The following TNR variants were observed in gnomAD, a reference collection of about 807,000 sequenced individuals.
TNR encodes the protein tenascin R.
A neutral mutation model predicts 150.4 loss-of-function variants in TNR; 45 were observed. The ratio of observed to expected loss-of-function variants is 0.30; its 90% CI spans 0.24 to 0.38. The LOEUF (loss-of-function observed/expected upper bound fraction) is 0.38, where lower values mean the gene tolerates loss of function less well. Among genes scored for constraint, TNR ranks in the 10% least tolerant of loss-of-function variants. The probability of loss-of-function intolerance (pLI) is 1.00; values close to 1 mark genes in which losing one functional copy is unlikely to be tolerated. For missense variants in TNR, 1,544 were observed against 1,759.1 expected, an observed-to-expected ratio of 0.88 and a Z score of 2.19; for synonymous variants, 687 against 678.4, an observed-to-expected ratio of 1.01 and a Z score of -0.20.
At chr1:175,635,133 C>T (rs1392669945) in intron 1 of TNR, among the ~76,000 whole-genome samples, 3 of 152,208 alleles carry the variant, frequency 2.0e-5, no homozygotes, top group Non-Finnish European at 4.4e-5. Context: ...CACCCAGAAG[C>T]TAAAGCCATG....
At position 175,707,603 on chromosome 1, in the gene TNR, C is replaced by T. The variant is rs77239457; in HGVS notation, c.-165+35623G>A. On this transcript the variant is annotated intron_variant, in intron 1 of 22. Transcript: ENST00000367674. ...TCATCCTCCACCAACCCCATTTTTTCACAGGCCTAAAAAAGACCAGGAAGT... is the reference window on the plus strand; with the variant it reads ...TCATCCTCCACCAACCCCATTTTTTTACAGGCCTAAAAAAGACCAGGAAGT... 8.8e-3 allele frequency among the ~76,000 whole-genome samples: 1,345 copies of T among 152,264 alleles called. 28 individuals are homozygous for T. The highest frequency in any genetic ancestry group is 0.031 in the African/African-American group (1,274 of 41,558).
At chr1:175,623,503 C>T (rs1162654579) in intron 1 of TNR, among the ~76,000 whole-genome samples, 3 of 152,170 alleles carry the variant, frequency 2.0e-5, no homozygotes. Context: ...TGCAGGTGAC[C>T]TGGTCCCTCC....
chr1:175,681,951 G>A (rs1571746973), intron 1 of TNR, among the ~76,000 whole-genome samples: 1 of 152,148 alleles, frequency 6.6e-6, no homozygotes, highest in Admixed American at 6.5e-5. Context: ...CCCAAGAAAG[G>A]AGCTGCGACT....
intron 1 of TNR, among the ~76,000 whole-genome samples, chr1:175,636,331 A>T (rs1664490905): frequency 6.6e-6 from 1 of 152,156 alleles, no homozygotes; most frequent in Non-Finnish European, 1.5e-5. Context: ...AGCACATTTA[A>T]GTTTCCCACA....
At position 175,337,598 on chromosome 1, in the gene TNR, A is replaced by T. The variant is rs1650309573; in HGVS notation, c.3464T>A (p.Phe1155Tyr). The change falls in exon 19 of 23, where the codon TTC (phenylalanine) becomes TAC (tyrosine). Residue 1155 changes from phenylalanine (F) to tyrosine (Y), a missense_variant. Around this residue, in one of 2 missense-constraint regions of TNR, gnomAD observed 290 missense variants for 429.7 expected, o/e 0.67. Coordinates refer to ENST00000367674, the MANE Select transcript of TNR (RefSeq NM_003285.3). ...GDTLSGVYPI[F>Y]LNGELSQKLQ... ...TTTCTGGCTCAGCTCCCCATTGAGG[A>T]AGATGGGGTAAACCCCACTCAAAGT... The T allele has an allele frequency of 6.2e-7, 1 of 1,614,130 alleles. No homozygotes were observed. The highest frequency in any genetic ancestry group is 1.1e-5 in the South Asian group (1 of 91,076).
chr1:175,667,061 CTT>C (rs1288585273), intron 1 of TNR, among the ~76,000 whole-genome samples: 2 of 152,202 alleles, frequency 1.3e-5, no homozygotes, highest in Non-Finnish European at 2.9e-5. Context: ...CCACTCCCCT[CTT>C]TTAATCATAC....
chr1:175,734,586 C>A (rs572401638), intron 1 of TNR, among the ~76,000 whole-genome samples: 2 of 152,360 alleles, frequency 1.3e-5, no homozygotes, highest in East Asian at 3.9e-4. Context: ...CCATCTGGAG[C>A]TCTGAGGAGC....
chr1:175,351,902 C>A (rs1309033736), intron 18 of TNR, among the ~76,000 whole-genome samples: 4 of 152,202 alleles, frequency 2.6e-5, no homozygotes, highest in African/African-American at 7.2e-5. Context: ...CCTTTCTGAG[C>A]TGGTATTGGT....
intron 2 of TNR, among the ~76,000 whole-genome samples, chr1:175,440,530 TAATAA>T (rs1372761531): frequency 6.9e-5 from 10 of 145,568 alleles, no homozygotes; most frequent in East Asian, 4.0e-4. Flanking sequence ...AGTATAATAA[TAATAA>T]AATAAAATAA....
chr1:175,695,259 C>T (rs1558077071), intron 1 of TNR, among the ~76,000 whole-genome samples: 1 of 152,216 alleles, frequency 6.6e-6, no homozygotes, highest in Non-Finnish European at 1.5e-5. Flanking sequence ...GGAGAGTCCA[C>T]ATGGTGAGGA....
At chr1:175,504,419 C>G (rs1484885381) in intron 2 of TNR, among the ~76,000 whole-genome samples, 1 of 152,146 alleles carries the variant, frequency 6.6e-6, no homozygotes, top group Non-Finnish European at 1.5e-5. Context: ...GAACATAGCT[C>G]ACTAGAATCG....
intron 1 of TNR, among the ~76,000 whole-genome samples, chr1:175,684,369 T>C (rs1027415383): frequency 6.6e-6 from 1 of 152,100 alleles, no homozygotes; most frequent in Non-Finnish European, 1.5e-5. Flanking sequence ...GAAAATTGAG[T>C]GAGGAATGGG....
intron 1 of TNR, among the ~76,000 whole-genome samples, chr1:175,552,626 G>A (rs1660991540): frequency 6.6e-6 from 1 of 152,160 alleles, no homozygotes; most frequent in Non-Finnish European, 1.5e-5. Flanking sequence ...TGTAAGGCAA[G>A]GGGAAATACG....
At chr1:175,410,950 T>G (rs1173938311) in intron 2 of TNR, among the ~76,000 whole-genome samples, 1 of 152,226 alleles carries the variant, frequency 6.6e-6, no homozygotes, top group Non-Finnish European at 1.5e-5. Context: ...AACTTGACTT[T>G]AATGGATTAT....
At chr1:175,393,711 CCT>C (rs1653287277) in intron 6 of TNR, 67 bp downstream of exon 6, 2 of 1,304,842 alleles carry the variant, frequency 1.5e-6, no homozygotes, top group African/African-American at 1.5e-5. Context: ...CCTTGCTGCC[CCT>C]GATTCCAAGC....
At chr1:175,571,014 C>T (rs1274531317) in intron 1 of TNR, among the ~76,000 whole-genome samples, 1 of 152,154 alleles carries the variant, frequency 6.6e-6, no homozygotes, top group Non-Finnish European at 1.5e-5. Context: ...CCAGACCCAC[C>T]TCCATTTAGA....
intron 2 of TNR, among the ~76,000 whole-genome samples, chr1:175,525,808 C>A (rs1659826635): frequency 6.6e-6 from 1 of 152,212 alleles, no homozygotes; most frequent in East Asian, 1.9e-4. Context: ...CACAAAGAAG[C>A]TTAAATTCAG....
At chr1:175,619,496 C>T (rs1224022738) in intron 1 of TNR, among the ~76,000 whole-genome samples, 2 of 152,162 alleles carry the variant, frequency 1.3e-5, no homozygotes, top group East Asian at 3.8e-4. Context: ...CAAAGCTAAG[C>T]AGGCTCATTA....
chr1:175,325,616 C>T (rs1649333552), intron 21 of TNR, among the ~76,000 whole-genome samples: 1 of 152,176 alleles, frequency 6.6e-6, no homozygotes, highest in African/African-American at 2.4e-5. Flanking sequence ...TTGGAACCAA[C>T]CCAAATGTCC....
Sources: allele counts gnomAD v4.1 joint callset (sites outside exome capture counted in the v4.1 genomes callset), GRCh38; gene constraint gnomAD v4.1.1; regional missense constraint gnomAD v4.1.1; transcripts MANE v1.5; gene names NCBI Gene and HGNC (gene_info 2026-07-23, HGNC 2026-07-21).